The following ZSCAN5A variants were observed in gnomAD, a reference collection of about 807,000 sequenced individuals.
ZSCAN5A encodes zinc finger and SCAN domain containing 5A.
Under a neutral mutation model 23.7 loss-of-function variants are expected in ZSCAN5A, and 12 were observed. The ratio of observed to expected loss-of-function variants is 0.51; its 90% CI spans 0.32 to 0.82. The LOEUF (loss-of-function observed/expected upper bound fraction) is 0.82. ZSCAN5A is among the 40% of genes least tolerant of loss of function. The pLI, the probability that ZSCAN5A is intolerant of heterozygous loss-of-function variation, is 0.03. For missense variants in ZSCAN5A, 597 were observed against 617.9 expected, an observed-to-expected ratio of 0.97 and a Z score of 0.36; for synonymous variants, 257 against 239.9, an observed-to-expected ratio of 1.07 and a Z score of -0.66.
At chr19:56,336,190 G>T (rs1218063188) in intron 2 of ZSCAN5A, among the ~76,000 whole-genome samples, 1 of 151,196 alleles carries the variant, frequency 6.6e-6, no homozygotes, top group Non-Finnish European at 1.5e-5. Context: ...TTCCAACTTG[G>T]TTCCATTCTC....
At chr19:56,260,764 G>A (rs1449786351) in intron 2 of ZSCAN5A, among the ~76,000 whole-genome samples, 2 of 152,090 alleles carry the variant, frequency 1.3e-5, no homozygotes, top group African/African-American at 4.8e-5. Context: ...CTAGGAGGTG[G>A]TACTTTCTTG....
intron 2 of ZSCAN5A, among the ~76,000 whole-genome samples, chr19:56,281,297 C>T (rs1268882048): frequency 6.6e-6 from 1 of 152,088 alleles, no homozygotes; most frequent in Non-Finnish European, 1.5e-5. Flanking sequence ...AAATGCACAT[C>T]TAAGTGGATA....
At chr19:56,259,272 T>TG (rs1460520860) in intron 2 of ZSCAN5A, among the ~76,000 whole-genome samples, 2 of 152,082 alleles carry the variant, frequency 1.3e-5, no homozygotes, top group Non-Finnish European at 2.9e-5. Flanking sequence ...CTGAGCAACA[T>TG]GGTAGAACCA....
At chr19:56,234,499 A>T (rs2034716683) in intron 2 of ZSCAN5A, among the ~76,000 whole-genome samples, 1 of 141,302 alleles carries the variant, frequency 7.1e-6, no homozygotes, top group African/African-American at 3.1e-5. Flanking sequence ...ACCTGTTTTA[A>T]AAAAAAAACA....
chr19:56,320,498 G>A (rs1008459811), intron 2 of ZSCAN5A: 1 of 390,100 alleles, frequency 2.6e-6, no homozygotes, highest in African/African-American at 2.1e-5. Flanking sequence ...TGTAACTCCA[G>A]GTACTCGGGA....
chr19:56,345,651 T>A (rs2041626471), intron 2 of ZSCAN5A, among the ~76,000 whole-genome samples: 1 of 152,126 alleles, frequency 6.6e-6, no homozygotes, highest in Non-Finnish European at 1.5e-5. Context: ...GGAGACCAAT[T>A]TTATTTAGAT....
At chr19:56,272,273 G>A (rs968916599) in intron 2 of ZSCAN5A, among the ~76,000 whole-genome samples, 4 of 152,168 alleles carry the variant, frequency 2.6e-5, no homozygotes, top group African/African-American at 9.7e-5. Flanking sequence ...TAGGACAGGG[G>A]TCCACAAACG....
intron 2 of ZSCAN5A, chr19:56,245,438 G>C (rs569798702): frequency 1.5e-6 from 1 of 649,698 alleles, no homozygotes; most frequent in East Asian, 2.7e-5. Flanking sequence ...GAGTGTGTGA[G>C]GCCCTGGTGT....
intron 2 of ZSCAN5A, chr19:56,343,174 G>A (rs2041608041): frequency 4.1e-6 from 3 of 727,302 alleles, no homozygotes; most frequent in Non-Finnish European, 7.4e-6. Flanking sequence ...TTGCTTTATT[G>A]AAACTAACTT....
At chr19:56,234,245 G>A (rs568643805) in intron 2 of ZSCAN5A, among the ~76,000 whole-genome samples, 1 of 152,330 alleles carries the variant, frequency 6.6e-6, no homozygotes, top group East Asian at 1.9e-4. Context: ...AGAAACTACT[G>A]AAGAGGAAAG....
chr19:56,353,559 G>C (rs12104160), intron 2 of ZSCAN5A, among the ~76,000 whole-genome samples: 7,864 of 152,050 alleles, frequency 0.052, 617 homozygotes, highest in African/African-American at 0.17. Context: ...CAGGAGGTCA[G>C]GAGGTCAGGA....
chr19:56,321,583 T>A (rs1027530802), intron 2 of ZSCAN5A: 5 of 780,516 alleles, frequency 6.4e-6, no homozygotes, highest in Non-Finnish European at 1.2e-5. Context: ...TGTCATTGAC[T>A]GTGGCATCCC....
At chr19:56,361,890 G>T (rs1384060244) in intron 2 of ZSCAN5A, among the ~76,000 whole-genome samples, 1 of 152,074 alleles carries the variant, frequency 6.6e-6, no homozygotes, top group Admixed American at 6.5e-5. Context: ...GGGTGCGGTG[G>T]CTCACACCTG....
intron 2 of ZSCAN5A, among the ~76,000 whole-genome samples, chr19:56,360,973 G>A (rs2041730394): frequency 6.6e-6 from 1 of 152,114 alleles, no homozygotes; most frequent in African/African-American, 2.4e-5. Context: ...GCATCCATAA[G>A]GAACTTCAGC....
chr19:56,360,943 C>T (rs553233143), intron 2 of ZSCAN5A, among the ~76,000 whole-genome samples: 13 of 152,022 alleles, frequency 8.6e-5, no homozygotes, highest in South Asian at 2.1e-4. Flanking sequence ...CATATCCATC[C>T]GACAAAGGTC....
chr19:56,321,111 G>A (rs2041370935), intron 2 of ZSCAN5A: 3 of 686,708 alleles, frequency 4.4e-6, no homozygotes, highest in African/African-American at 1.8e-5. Flanking sequence ...CAAGGGGACG[G>A]ATACTGCTCC....
upstream of ZSCAN5A, among the ~76,000 whole-genome samples, chr19:56,319,388 C>T (rs66528019): frequency 0.052 from 7,734 of 148,066 alleles, 251 homozygotes; most frequent in South Asian, 0.11. Flanking sequence ...CCTCACTACC[C>T]GGGGGGCTGA....
At chr19:56,257,339 T>G (rs898458743) in intron 2 of ZSCAN5A, among the ~76,000 whole-genome samples, 3 of 152,136 alleles carry the variant, frequency 2.0e-5, no homozygotes, top group Admixed American at 6.5e-5. Context: ...CAGGTGGAGA[T>G]GAACCCAAGG....
chr19:56,247,269 C>A, intron 2 of ZSCAN5A: 2 of 349,472 alleles, frequency 5.7e-6, no homozygotes, highest in Non-Finnish European at 5.5e-6. Flanking sequence ...GGATGTTCTC[C>A]TTGAAGTGTC....
Sources: allele counts gnomAD v4.1 joint callset (sites outside exome capture counted in the v4.1 genomes callset), GRCh38; gene constraint gnomAD v4.1.1; transcripts MANE v1.5; gene names NCBI Gene and HGNC (gene_info 2026-07-23, HGNC 2026-07-21).